The following ENTREP2 variants were observed in gnomAD, a reference collection of about 807,000 sequenced individuals.
The protein encoded by ENTREP2 is protein ENTREP2.
chr15:29,185,079 CA>C, the ENTREP2 span, among the ~76,000 whole-genome samples: 2,721 of 107,692 alleles, frequency 0.025, 26 homozygotes, highest in African/African-American at 0.037. Flanking sequence ...GACTCTGTCT[CA>C]AAAAAAAAAA....
At chr15:29,542,078 G>C in the ENTREP2 span, among the ~76,000 whole-genome samples, 2 of 152,132 alleles carry the variant, frequency 1.3e-5, no homozygotes, top group Admixed American at 1.3e-4. Context: ...GTGCGATCTC[G>C]GTTCACTGCA....
At chr15:29,344,620 A>G in the ENTREP2 span, among the ~76,000 whole-genome samples, 1 of 152,090 alleles carries the variant, frequency 6.6e-6, no homozygotes, top group Non-Finnish European at 1.5e-5. Flanking sequence ...AAGTTGCCTT[A>G]GTTGACCCAG....
At chr15:29,674,547 C>T in the ENTREP2 span, among the ~76,000 whole-genome samples, 1 of 152,140 alleles carries the variant, frequency 6.6e-6, no homozygotes, top group Admixed American at 6.5e-5. Flanking sequence ...GGATTACAGG[C>T]GTGAGCCACC....
chr15:29,423,857 A>G, the ENTREP2 span, among the ~76,000 whole-genome samples: 1 of 152,152 alleles, frequency 6.6e-6, no homozygotes, highest in Non-Finnish European at 1.5e-5. Flanking sequence ...TTCCTTTAAA[A>G]ATATATCACA....
At chr15:29,349,945 T>C in the ENTREP2 span, among the ~76,000 whole-genome samples, 1 of 152,142 alleles carries the variant, frequency 6.6e-6, no homozygotes, top group Non-Finnish European at 1.5e-5. Flanking sequence ...GATTAATTAA[T>C]TAATTGGAGC....
At chr15:29,315,915 A>G in the ENTREP2 span, among the ~76,000 whole-genome samples, 1 of 146,380 alleles carries the variant, frequency 6.8e-6, no homozygotes, top group Admixed American at 6.9e-5. Context: ...GCACACGTAC[A>G]TGCAGTATGT....
the ENTREP2 span, among the ~76,000 whole-genome samples, chr15:29,421,539 T>C: frequency 6.6e-6 from 1 of 152,230 alleles, no homozygotes; most frequent in African/African-American, 2.4e-5. Flanking sequence ...AGGGAACTAC[T>C]GGGTTTTCCT....
the ENTREP2 span, among the ~76,000 whole-genome samples, chr15:29,633,848 A>G: frequency 6.6e-6 from 1 of 152,036 alleles, no homozygotes; most frequent in Non-Finnish European, 1.5e-5. Flanking sequence ...AATCCCAGCT[A>G]CTCGGGAGGC....
the ENTREP2 span, among the ~76,000 whole-genome samples, chr15:29,531,411 G>A: frequency 6.6e-6 from 1 of 152,116 alleles, no homozygotes; most frequent in African/African-American, 2.4e-5. Flanking sequence ...CTGGTGTGGG[G>A]GAGGGCCAGG....
the ENTREP2 span, among the ~76,000 whole-genome samples, chr15:29,550,125 T>C: frequency 2.6e-5 from 4 of 152,184 alleles, no homozygotes; most frequent in South Asian, 8.3e-4. Context: ...TGTGGGGACA[T>C]ATCTAGGCCC....
chr15:29,126,164 G>A, the ENTREP2 span: 1 of 947,128 alleles, frequency 1.1e-6, no homozygotes. Context: ...CCCCAGACAG[G>A]ATCTGCAGGG....
chr15:29,129,230 GT>G, the ENTREP2 span, among the ~76,000 whole-genome samples: 2 of 152,058 alleles, frequency 1.3e-5, no homozygotes, highest in Non-Finnish European at 1.5e-5. Flanking sequence ...TGCCCAGCTA[GT>G]TTTTTGTATT....
At chr15:29,606,348 C>A in the ENTREP2 span, among the ~76,000 whole-genome samples, 8 of 151,638 alleles carry the variant, frequency 5.3e-5, no homozygotes, top group Non-Finnish European at 5.9e-5. Context: ...GATTATCCTG[C>A]CTCAGCCTCC....
chr15:29,623,055 T>C, the ENTREP2 span, among the ~76,000 whole-genome samples: 3 of 152,244 alleles, frequency 2.0e-5, no homozygotes, highest in African/African-American at 7.2e-5. Flanking sequence ...CAGCAAAAGC[T>C]ATAATGCTCC....
At chr15:29,195,425 G>T in the ENTREP2 span, 1 of 574,912 alleles carries the variant, frequency 1.7e-6, no homozygotes, top group Non-Finnish European at 2.2e-6. Flanking sequence ...CCTGCATACT[G>T]CATTCCCTAC....
chr15:29,273,429 C>G, the ENTREP2 span, among the ~76,000 whole-genome samples: 1 of 152,012 alleles, frequency 6.6e-6, no homozygotes, highest in Non-Finnish European at 1.5e-5. Context: ...AACTCCTGAC[C>G]TCAAGTGATC....
chr15:29,217,766 A>G, the ENTREP2 span, among the ~76,000 whole-genome samples: 2 of 151,564 alleles, frequency 1.3e-5, no homozygotes, highest in Non-Finnish European at 2.9e-5. Flanking sequence ...TAGATCAGGG[A>G]CTTCTTGGTT....
At chr15:29,183,060 ATAGTTCT>A in the ENTREP2 span, among the ~76,000 whole-genome samples, 1 of 152,166 alleles carries the variant, frequency 6.6e-6, no homozygotes, top group Admixed American at 6.5e-5. Context: ...GGATGGAAAA[ATAGTTCT>A]TAAAATGCAA....
At chr15:29,577,119 T>TAA in the ENTREP2 span, among the ~76,000 whole-genome samples, 1 of 144,546 alleles carries the variant, frequency 6.9e-6, no homozygotes, top group Non-Finnish European at 1.5e-5. Flanking sequence ...CTATATTATT[T>TAA]AAAAAAAAAA....
Sources: gnomAD v4.1 joint callset for allele counts (sites outside exome capture counted in the v4.1 genomes callset) on GRCh38, gnomAD v4.1.1 for gene constraint, MANE v1.5 for transcripts, NCBI Gene and HGNC (gene_info 2026-07-23, HGNC 2026-07-21) for gene names.